The following PHAF1 variants were observed in gnomAD, a reference collection of about 807,000 sequenced individuals.
The protein encoded by PHAF1 is phagosome assembly factor 1.
In PHAF1, 23 loss-of-function variants were observed where a neutral mutation model predicts 63.1. The observed-to-expected ratio is 0.36, with a 90% CI of 0.26 to 0.52. The LOEUF (loss-of-function observed/expected upper bound fraction) is 0.52, where lower values mean the gene tolerates loss of function less well. Among genes scored for constraint, PHAF1 ranks in the 20% least tolerant of loss-of-function variants. The pLI is 0.93. For synonymous variants in PHAF1, 167 were observed against 185.0 expected, an observed-to-expected ratio of 0.90 and a Z score of 0.79; for missense variants, 427 against 517.2, an observed-to-expected ratio of 0.83 and a Z score of 1.69.
chr16:67,122,571 A>C (rs1963027569), intron 2 of PHAF1, among the ~76,000 whole-genome samples: 1 of 86,040 alleles, frequency 1.2e-5, no homozygotes, highest in Non-Finnish European at 1.9e-5. Context: ...ACCCTGTCTC[A>C]AAAAAAAAAA....
chr16:67,132,591 A>T (rs759060393), intron 5 of PHAF1, 66 bp downstream of exon 5: 9 of 1,508,918 alleles, frequency 6.0e-6, no homozygotes, highest in Non-Finnish European at 8.3e-6. Context: ...CCTGCCCGGT[A>T]GTGCCATCCC....
At chr16:67,110,316 T>G in intron 1 of PHAF1, 77 bp downstream of exon 1, 2 of 1,482,214 alleles carry the variant, frequency 1.3e-6, no homozygotes, top group South Asian at 1.2e-5. Flanking sequence ...CTGTTCTCAG[T>G]CTCTCACGCC....
At chr16:67,118,105 C>T (rs951166629) in intron 1 of PHAF1, among the ~76,000 whole-genome samples, 43 of 149,942 alleles carry the variant, frequency 2.9e-4, no homozygotes, top group African/African-American at 9.0e-4. Context: ...TACAGGCGCC[C>T]GCCACCACGC....
intron 1 of PHAF1, among the ~76,000 whole-genome samples, chr16:67,119,540 T>A (rs1962889807): frequency 6.6e-6 from 1 of 151,030 alleles, no homozygotes; most frequent in Non-Finnish European, 1.5e-5. Context: ...TTTTTTTTTA[T>A]AGACAGAGTT....
chr16:67,110,683 T>A (rs1962477466), intron 1 of PHAF1, among the ~76,000 whole-genome samples: 1 of 152,234 alleles, frequency 6.6e-6, no homozygotes, highest in Non-Finnish European at 1.5e-5. Flanking sequence ...ACTGCTTTTC[T>A]GGGCTGTGGC....
intron 4 of PHAF1, 85 bp downstream of exon 4, chr16:67,131,414 A>G: frequency 1.9e-6 from 2 of 1,026,604 alleles, no homozygotes; most frequent in Non-Finnish European, 1.4e-6. Flanking sequence ...AAAGATTCAC[A>G]TCTGTCACAG....
chr16:67,139,343 C>CTTTTTTT (rs1164245105), intron 8 of PHAF1, among the ~76,000 whole-genome samples: 7 of 86,886 alleles, frequency 8.1e-5, no homozygotes, highest in Admixed American at 1.6e-4. Flanking sequence ...ACAGCACTGC[C>CTTTTTTT]TTTTTTTTTT....
intron 2 of PHAF1, among the ~76,000 whole-genome samples, chr16:67,121,358 ATT>A (rs573059769): frequency 0.031 from 4,068 of 132,966 alleles, 67 homozygotes; most frequent in Admixed American, 0.036. Context: ...CACCCAGCTA[ATT>A]TTTTTTTTTT....
chr16:67,132,409 G>A, intron 4 of PHAF1, 37 bp from the exon 5 acceptor site: 7 of 1,523,912 alleles, frequency 4.6e-6, no homozygotes, highest in Middle Eastern at 1.7e-4. Flanking sequence ...GGCCCATCTT[G>A]TGAAGCCTAG....
intron 9 of PHAF1, 148 bp downstream of exon 9, chr16:67,140,265 G>A (rs1963758786): frequency 9.1e-7 from 1 of 1,103,380 alleles, no homozygotes; most frequent in Non-Finnish European, 1.3e-6. Context: ...AACCCCTGTA[G>A]TCCAATTACC....
rs117225925 is a variant in PHAF1, at chr16:67,117,862, G to A, written c.65-2250G>A. Among the ~76,000 whole-genome samples, 970 of 148,856 alleles carry A rather than the reference G, an allele frequency of 6.5e-3. 7 individuals carry two copies. The highest frequency in any genetic ancestry group is 9.7e-3 in the Admixed American group (144 of 14,916). ...GCACCTGGCTCTGTCACCCAGGCCA[G>A]AGTGCAGCCTCCACCTCCCAAGCTC... is the stretch of plus-strand genomic sequence containing the variant. On this transcript the variant is annotated intron_variant, in intron 1 of 15. Transcript: ENST00000219139.
rs149188601 is a variant in PHAF1, at chr16:67,121,448, C to T, written c.147+1254C>T. ...CGATCTCCTGACCTCGTGATCTGCC[C>T]GCCTCGACCTCCCAGAGTGCTGGGA... On this transcript the variant is annotated intron_variant, in intron 2 of 15. Transcript: ENST00000219139. 5.4e-3 allele frequency among the ~76,000 whole-genome samples: 813 copies of T among 151,286 alleles called. 3 individuals are homozygous for T. The highest frequency in any genetic ancestry group is 0.018 in the African/African-American group (754 of 41,192).
At chr16:67,134,511 A>G (rs1378142203) in intron 8 of PHAF1, 44 bp downstream of exon 8, 2 of 1,473,784 alleles carry the variant, frequency 1.4e-6, no homozygotes, top group Admixed American at 3.3e-5. Flanking sequence ...CATTATACCC[A>G]TGTTGAGACA....
At chr16:67,121,250 C>T (rs1158864710) in intron 2 of PHAF1, among the ~76,000 whole-genome samples, 2 of 147,614 alleles carry the variant, frequency 1.4e-5, no homozygotes, top group African/African-American at 5.0e-5. Flanking sequence ...AGTGCAGTGG[C>T]ACAATCTCGG....
At chr16:67,128,274 T>G (rs1277692561) in intron 3 of PHAF1, among the ~76,000 whole-genome samples, 2 of 152,162 alleles carry the variant, frequency 1.3e-5, no homozygotes, top group African/African-American at 2.4e-5. Context: ...TACAGAAATA[T>G]GAGGAATGGG....
intron 10 of PHAF1, 135 bp downstream of exon 10, chr16:67,140,729 G>A: frequency 1.4e-6 from 1 of 728,848 alleles, no homozygotes; most frequent in South Asian, 1.8e-5. Context: ...TCTTTGCCCA[G>A]GGTTGTTTTG....
chr16:67,114,563 G>GAA (rs766952691), intron 1 of PHAF1, among the ~76,000 whole-genome samples: 7 of 105,754 alleles, frequency 6.6e-5, no homozygotes, highest in South Asian at 3.4e-4. Context: ...AATGAAAGAA[G>GAA]AAAAAAAAAA....
At chr16:67,129,898 T>G (rs914090074) in intron 3 of PHAF1, among the ~76,000 whole-genome samples, 16 of 152,228 alleles carry the variant, frequency 1.1e-4, no homozygotes, top group Non-Finnish European at 1.6e-4. Context: ...GAGGCTTTCT[T>G]GTTTCAACCA....
At chr16:67,129,982 G>C (rs534166682) in intron 3 of PHAF1, among the ~76,000 whole-genome samples, 3 of 152,242 alleles carry the variant, frequency 2.0e-5, no homozygotes, top group Non-Finnish European at 4.4e-5. Context: ...CTTTCTAATG[G>C]GATAGACCTC....
Sources: gnomAD v4.1 joint callset for allele counts (sites outside exome capture counted in the v4.1 genomes callset) on GRCh38, gnomAD v4.1.1 for gene constraint, MANE v1.5 for transcripts, NCBI Gene and HGNC (gene_info 2026-07-23, HGNC 2026-07-21) for gene names.